MARK3: variants seen among roughly 807,000 people sequenced by gnomAD.
MARK3 encodes MAP/microtubule affinity-regulating kinase 3.
In MARK3, 46 loss-of-function variants were observed where a neutral mutation model predicts 90.1. The observed-to-expected ratio is 0.51, with a 90% CI of 0.40 to 0.65. The LOEUF (loss-of-function observed/expected upper bound fraction) is 0.65, where lower values mean the gene tolerates loss of function less well. Among genes scored for constraint, MARK3 ranks in the 30% least tolerant of loss-of-function variants. The pLI, the probability that MARK3 is intolerant of heterozygous loss-of-function variation, is 0.00. For missense variants in MARK3, 818 were observed against 947.2 expected (o/e 0.86, Z 1.79); for synonymous variants, 321 against 332.6 (o/e 0.97, Z 0.38).
chr14:103,474,111 G>A (rs975350509), intron 12 of MARK3, among the ~76,000 whole-genome samples: 7 of 151,936 alleles, frequency 4.6e-5, no homozygotes, highest in East Asian at 3.9e-4. Flanking sequence ...AGGCTGAGGC[G>A]GGAGAATCCC....
chr14:103,396,884 C>T (rs1406782555), intron 1 of MARK3, among the ~76,000 whole-genome samples: 1 of 152,032 alleles, frequency 6.6e-6, no homozygotes, highest in Non-Finnish European at 1.5e-5. Context: ...GTGGGGCTAC[C>T]AAGCACTTGA....
intron 15 of MARK3, among the ~76,000 whole-genome samples, chr14:103,493,691 ATGG>A (rs2075143241): frequency 6.6e-6 from 1 of 151,672 alleles, no homozygotes; most frequent in Non-Finnish European, 1.5e-5. Context: ...CCTGACCAAT[ATGG>A]TGAAACCCCA....
At position 103,468,118 on chromosome 14, in the gene MARK3, A is replaced by C; in HGVS notation, c.1196A>C (p.Gln399Pro). The change falls in exon 12 of 18, where the codon CAG (glutamine) becomes CCG (proline). Residue 399 changes from glutamine to proline, a missense_variant. Physicochemically the swap from Gln to Pro is moderately conservative, Grantham distance 76. Coordinates refer to ENST00000429436, the MANE Select transcript of MARK3 (RefSeq NM_001128918.3). ...PSSDLNNSTG[Q>P]SPHHKVQRSV... Reference sequence around the variant, plus strand: ...AGTGATCTCAACAACAGTACTGGCCAGTCTCCTCACCACAAAGTGCAGAGA... The same window carrying C: ...AGTGATCTCAACAACAGTACTGGCCCGTCTCCTCACCACAAAGTGCAGAGA... 6.2e-7 allele frequency: 1 copy of C among 1,614,002 alleles called. No homozygotes were observed. The highest frequency in any genetic ancestry group is 8.5e-7 in the Non-Finnish European group (1 of 1,179,954).
chr14:103,479,092 C>T (rs1180836902), intron 13 of MARK3, among the ~76,000 whole-genome samples: 1 of 152,146 alleles, frequency 6.6e-6, no homozygotes, highest in Non-Finnish European at 1.5e-5. Flanking sequence ...GCAAACACGG[C>T]TCATTGCAAC....
intron 3 of MARK3, among the ~76,000 whole-genome samples, chr14:103,432,663 C>G (rs1044347799): frequency 1.3e-5 from 2 of 151,910 alleles, no homozygotes; most frequent in Non-Finnish European, 2.9e-5. Context: ...TCAGCCTAGG[C>G]AGCACAGAGA....
chr14:103,460,268 G>T (rs1595783116), intron 6 of MARK3, among the ~76,000 whole-genome samples: 2 of 151,536 alleles, frequency 1.3e-5, no homozygotes. Flanking sequence ...TGTATATTTA[G>T]TAGAGACAGG....
chr14:103,444,560 C>T (rs1299988607), intron 3 of MARK3, among the ~76,000 whole-genome samples: 1 of 152,100 alleles, frequency 6.6e-6, no homozygotes, highest in African/African-American at 2.4e-5. Flanking sequence ...GGGCGGATCA[C>T]GAGGTCAGGA....
intron 1 of MARK3, among the ~76,000 whole-genome samples, chr14:103,394,445 G>A (rs1451509588): frequency 1.3e-5 from 2 of 152,110 alleles, no homozygotes; most frequent in Non-Finnish European, 2.9e-5. Context: ...TTGGAGGTGG[G>A]AGGGGCATCC....
chr14:103,453,695 T>C (rs918968102), intron 5 of MARK3, among the ~76,000 whole-genome samples: 5 of 152,232 alleles, frequency 3.3e-5, no homozygotes, highest in Non-Finnish European at 7.3e-5. Context: ...TATGGAGTTC[T>C]AATACTTTCT....
At chr14:103,467,834 T>C (rs1470194853) in intron 11 of MARK3, 199 bp from the exon 12 acceptor site, 1 of 467,642 alleles carries the variant, frequency 2.1e-6, no homozygotes, top group African/African-American at 2.0e-5. Flanking sequence ...AAATCATAAA[T>C]ACCTTACCTT....
chr14:103,440,948 AG>A lies in MARK3; in HGVS notation c.298-7970del, dbSNP rs371712532. 1.2e-3 allele frequency among the ~76,000 whole-genome samples: 170 copies of A among 146,446 alleles called. 3 individuals carry two copies. Among genetic ancestry groups the A allele is most frequent in the Middle Eastern group, 0.011 (3 of 282 alleles). The stretch of plus-strand genomic sequence containing the variant: ...AGGAGCCCCTCTTAAAAAAAAAAAA[AG>A]AAAAGAAAAGAAAAATCTCATTATG... On this transcript the variant is annotated intron_variant, in intron 3 of 17. Coordinates refer to ENST00000429436, the MANE Select transcript of MARK3 (RefSeq NM_001128918.3).
intron 2 of MARK3, among the ~76,000 whole-genome samples, chr14:103,427,108 T>G (rs2092430517): frequency 6.6e-6 from 1 of 151,932 alleles, no homozygotes; most frequent in South Asian, 2.1e-4. Flanking sequence ...TGTCTATAAG[T>G]AACTTAAATA....
In MARK3 at chr14:103,427,497, CA is replaced by C. The variant is rs71126021; in HGVS notation, c.244-874del. Among the ~76,000 whole-genome samples, 250 of 110,812 alleles carry C rather than the reference CA, an allele frequency of 2.3e-3. 5 individuals carry two copies. The highest frequency in any genetic ancestry group is 7.8e-3 in the African/African-American group (240 of 30,580). The allele number at this position is 110,812 out of a possible 152,430, so 72.7% of individuals were successfully genotyped here. The stretch of plus-strand genomic sequence containing the variant: ...CCTAGGCAACAGAGGGAGACTGTTT[CA>C]AAAAAAAAAAAAAAAGAAACAAAAG... On this transcript the variant is annotated intron_variant, in intron 2 of 17. Transcript: ENST00000429436.
intron 3 of MARK3, 23 bp from the exon 4 acceptor site, chr14:103,448,896 G>A (rs138612585): frequency 6.5e-7 from 1 of 1,539,390 alleles, no homozygotes; most frequent in East Asian, 2.3e-5. Context: ...GGGATTATGT[G>A]TTTTGTTTGT....
At chr14:103,395,596 T>G (rs934890513) in intron 1 of MARK3, among the ~76,000 whole-genome samples, 1 of 152,212 alleles carries the variant, frequency 6.6e-6, no homozygotes, top group Non-Finnish European at 1.5e-5. Context: ...TTCTTCCCCT[T>G]GGTTCACTCC....
intron 4 of MARK3, among the ~76,000 whole-genome samples, chr14:103,451,143 G>A (rs549363016): frequency 1.3e-5 from 2 of 151,708 alleles, no homozygotes; most frequent in Admixed American, 1.3e-4. Flanking sequence ...ATGTTGCCGA[G>A]GGTGGTGTCC....
chr14:103,485,286 G>A (rs1306751575), intron 14 of MARK3, among the ~76,000 whole-genome samples: 1 of 136,032 alleles, frequency 7.4e-6, no homozygotes, highest in Non-Finnish European at 1.5e-5. Flanking sequence ...TAAGATGGAT[G>A]GAGTCTTGCA....
intron 13 of MARK3, among the ~76,000 whole-genome samples, chr14:103,480,004 C>T (rs544428328): frequency 2.6e-5 from 4 of 151,920 alleles, no homozygotes; most frequent in Admixed American, 6.6e-5. Flanking sequence ...GTTGTCAGGC[C>T]GGGCACCTCA....
In MARK3 at chr14:103,471,468, T is replaced by G. The variant is rs77714559; in HGVS notation, c.1264+3282T>G. On this transcript the variant is annotated intron_variant, in intron 12 of 17. Coordinates refer to ENST00000429436, the MANE Select transcript of MARK3 (RefSeq NM_001128918.3). Reference sequence around the variant, plus strand: ...AGCTCAGGCCTGCTGGTCCAAGCCCTGTGTTTTTTCTCCACTGAAGCACCT... The same window carrying G: ...AGCTCAGGCCTGCTGGTCCAAGCCCGGTGTTTTTTCTCCACTGAAGCACCT... Among the ~76,000 whole-genome samples, 1,454 of 152,336 alleles carry G rather than the reference T, an allele frequency of 9.5e-3. 24 individuals carry two copies. Among genetic ancestry groups the G allele is most frequent in the African/African-American group, 0.033 (1,387 of 41,562 alleles).
Sources: allele counts gnomAD v4.1 joint callset (sites outside exome capture counted in the v4.1 genomes callset), GRCh38; gene constraint gnomAD v4.1.1; transcripts MANE v1.5; gene names NCBI Gene and HGNC (gene_info 2026-07-23, HGNC 2026-07-21).